The following THSD4 variants were observed in gnomAD, a reference collection of about 807,000 sequenced individuals.
The protein encoded by THSD4 is thrombospondin type-1 domain-containing protein 4.
A neutral mutation model predicts 119.0 loss-of-function variants in THSD4; 69 were observed. The ratio of observed to expected loss-of-function variants is 0.58; its 90% CI spans 0.48 to 0.71. The LOEUF (loss-of-function observed/expected upper bound fraction) is 0.71. Among genes scored for constraint, THSD4 ranks in the 30% least tolerant of loss-of-function variants. The pLI is 0.00. For missense variants in THSD4, 1,393 were observed against 1,391.1 expected, an observed-to-expected ratio of 1.00 and a Z score of -0.02; for synonymous variants, 524 against 540.4, an observed-to-expected ratio of 0.97 and a Z score of 0.42.
intron 7 of THSD4, among the ~76,000 whole-genome samples, chr15:71,586,234 G>C (rs914476982): frequency 2.0e-5 from 3 of 151,958 alleles, no homozygotes; most frequent in African/African-American, 7.3e-5. Flanking sequence ...TTGGCTGATG[G>C]GACTATCTCT....
intron 6 of THSD4, among the ~76,000 whole-genome samples, chr15:71,405,956 T>A (rs1374271803): frequency 6.6e-6 from 1 of 152,212 alleles, no homozygotes; most frequent in East Asian, 1.9e-4. Flanking sequence ...TGATAGTAAA[T>A]AGAAATACAA....
chr15:71,234,963 C>G (rs1195004224), intron 4 of THSD4, among the ~76,000 whole-genome samples: 2 of 152,180 alleles, frequency 1.3e-5, no homozygotes, highest in African/African-American at 4.8e-5. Context: ...CTCTTACAGG[C>G]ACTTGAGAAG....
chr15:71,562,783 A>T lies in THSD4; in HGVS notation c.1153-97747A>T, dbSNP rs141715300. Among the ~76,000 whole-genome samples the T allele has an allele frequency of 6.4e-3, 945 of 146,814 alleles. 12 individuals are homozygous for T. The highest frequency in any genetic ancestry group is 0.022 in the African/African-American group (891 of 39,988). ...AATGGCGCAATCTCAGCTCACTGCA[A>T]CCTCCACCTCCTGGGTTCAAGCAAT... On this transcript the variant is annotated intron_variant, in intron 7 of 17. Coordinates refer to ENST00000261862, the MANE Select transcript of THSD4 (RefSeq NM_024817.3).
At chr15:71,611,224 C>T (rs1183579342) in intron 7 of THSD4, among the ~76,000 whole-genome samples, 2 of 152,230 alleles carry the variant, frequency 1.3e-5, no homozygotes, top group Non-Finnish European at 2.9e-5. Flanking sequence ...CGCATGGACT[C>T]CATTTCCCTT....
intron 1 of THSD4, among the ~76,000 whole-genome samples, chr15:71,107,348 A>C (rs1288878613): frequency 6.6e-6 from 1 of 152,174 alleles, no homozygotes; most frequent in Non-Finnish European, 1.5e-5. Flanking sequence ...AAGGAAAGAA[A>C]AGAAAGAAAG....
Position 71,781,158 on chromosome 15 carries a change from C to A in THSD4, c.*3784C>A. The A allele has an allele frequency of 5.5e-6, 1 of 181,366 alleles. No homozygotes were observed. The highest frequency in any genetic ancestry group is 1.2e-5 in the Non-Finnish European group (1 of 84,296). The allele number at this position is 181,366 out of a possible 1,614,324, so 11.2% of individuals were successfully genotyped here. A position where few individuals can be genotyped will look rare whatever the true frequency, so the allele number is the denominator to read the frequency against. On this transcript the variant is annotated 3_prime_UTR_variant, in exon 18 of 18. Transcript: ENST00000261862. ...CATGGGAAAATATCGATGGCTTCCT[C>A]ACAAAATGTATGGGTGACGTGAAGT...
chr15:71,317,178 G>A (rs1339371202), intron 6 of THSD4, among the ~76,000 whole-genome samples: 1 of 152,190 alleles, frequency 6.6e-6, no homozygotes, highest in Admixed American at 6.5e-5. Flanking sequence ...AAACATATTT[G>A]TGATGGAGAG....
At chr15:71,490,244 G>A (rs1207990544) in intron 7 of THSD4, among the ~76,000 whole-genome samples, 2 of 151,788 alleles carry the variant, frequency 1.3e-5, no homozygotes, top group East Asian at 3.9e-4. Flanking sequence ...GGCCAACACA[G>A]TGAAGTCTCA....
intron 6 of THSD4, among the ~76,000 whole-genome samples, chr15:71,324,104 T>G (rs1325447313): frequency 6.6e-6 from 1 of 152,148 alleles, no homozygotes; most frequent in East Asian, 1.9e-4. Context: ...CATGAAATGT[T>G]AATACCGCAG....
chr15:71,643,599 A>C (rs2050909348), intron 7 of THSD4, among the ~76,000 whole-genome samples: 1 of 152,204 alleles, frequency 6.6e-6, no homozygotes, highest in African/African-American at 2.4e-5. Context: ...GCTAAGGTTG[A>C]CGGCCTCCAG....
intron 7 of THSD4, among the ~76,000 whole-genome samples, chr15:71,443,725 A>G (rs960192480): frequency 8.5e-5 from 13 of 152,212 alleles, no homozygotes; most frequent in Admixed American, 2.0e-4. Context: ...TAAAAGGTGC[A>G]TGTTCAAAGC....
chr15:71,121,994 G>C (rs950588017), intron 1 of THSD4, among the ~76,000 whole-genome samples: 15 of 152,138 alleles, frequency 9.9e-5, no homozygotes, highest in African/African-American at 3.4e-4. Flanking sequence ...TGTAAGGTGA[G>C]CCCTGAGGGT....
chr15:71,660,338 A>G, intron 7 of THSD4, 192 bp from the exon 8 acceptor site: 2 of 627,850 alleles, frequency 3.2e-6, no homozygotes, highest in South Asian at 1.9e-5. Context: ...TCTCCTGATC[A>G]TTTACCACCA....
intron 7 of THSD4, among the ~76,000 whole-genome samples, chr15:71,613,051 C>T (rs1426854253): frequency 6.6e-6 from 1 of 152,094 alleles, no homozygotes; most frequent in African/African-American, 2.4e-5. Context: ...TGAAATTCAC[C>T]TTGACTTATG....
At chr15:71,497,965 A>G (rs1294053307) in intron 7 of THSD4, among the ~76,000 whole-genome samples, 1 of 152,226 alleles carries the variant, frequency 6.6e-6, no homozygotes, top group Non-Finnish European at 1.5e-5. Context: ...AAAGTGTGGA[A>G]TTAAATATGT....
chr15:71,470,112 T>G (rs1340894273), intron 7 of THSD4, among the ~76,000 whole-genome samples: 4 of 152,242 alleles, frequency 2.6e-5, no homozygotes, highest in African/African-American at 9.6e-5. Context: ...TTCCCTACCT[T>G]AAGAACTTTG....
chr15:71,157,963 T>C (rs992179689), intron 3 of THSD4, among the ~76,000 whole-genome samples: 1 of 152,098 alleles, frequency 6.6e-6, no homozygotes, highest in Admixed American at 6.5e-5. Context: ...CAGATGTTTC[T>C]TGAACATTCT....
intron 10 of THSD4, among the ~76,000 whole-genome samples, chr15:71,735,218 C>T (rs541233517): frequency 2.2e-4 from 33 of 152,270 alleles, no homozygotes; most frequent in Non-Finnish European, 4.3e-4. Flanking sequence ...GAGGTGCCAC[C>T]GGGAGCAGCC....
intron 7 of THSD4, among the ~76,000 whole-genome samples, chr15:71,434,720 A>T (rs1036484405): frequency 1.1e-4 from 17 of 152,200 alleles, no homozygotes; most frequent in African/African-American, 4.1e-4. Context: ...AGCTTAAAAA[A>T]AGTGCAGTCT....
Sources: gnomAD v4.1 joint callset for allele counts (sites outside exome capture counted in the v4.1 genomes callset) on GRCh38, gnomAD v4.1.1 for gene constraint, MANE v1.5 for transcripts, NCBI Gene and HGNC (gene_info 2026-07-23, HGNC 2026-07-21) for gene names.